Variants in R3HDM2 observed in about 807,000 individuals in gnomAD.
R3HDM2 encodes the protein R3H domain containing 2, also known as R3H domain-containing protein 2.
Under a neutral mutation model 124.5 loss-of-function variants are expected in R3HDM2, and 38 were observed. The observed-to-expected ratio is 0.31, with a 90% CI of 0.24 to 0.40. R3HDM2 has a LOEUF of 0.40. Ranked by LOEUF, R3HDM2 falls within the 10% of genes least tolerant of loss-of-function variation. The probability of loss-of-function intolerance (pLI) is 1.00; values close to 1 mark genes in which losing one functional copy is unlikely to be tolerated. For synonymous variants in R3HDM2, 391 were observed against 448.0 expected (o/e 0.87, Z 1.61); for missense variants, 869 against 1,236.9 (o/e 0.70, Z 4.46).
rs1406413010 is a variant in R3HDM2 at position 57,350,500 on chromosome 12, A to AT, written c.-35-40038dup. ...AAACTACATCAAATGGTCAGGCGTG[A>AT]TGGTTACCCTCTAATCCCAGCTACT... On this transcript the variant is annotated intron_variant, in intron 2 of 23. Transcript: ENST00000402412. Among the ~76,000 whole-genome samples, 3 of 152,142 alleles carry AT rather than the reference A, an allele frequency of 2.0e-5. No homozygotes were observed. The East Asian group carries it at 5.8e-4, about 29-fold the overall frequency.
intron 2 of R3HDM2, among the ~76,000 whole-genome samples, chr12:57,336,078 T>C (rs1431958259): frequency 2.6e-5 from 4 of 151,830 alleles, no homozygotes; most frequent in African/African-American, 9.7e-5. Context: ...TGGTATCTCA[T>C]TGTGGGTTTT....
In R3HDM2 at chr12:57,292,599, C is replaced by G; in HGVS notation, c.879G>C (p.Arg293Ser). The G allele has an allele frequency of 6.5e-7, 1 of 1,550,216 alleles. No homozygotes were observed. The change falls in exon 11 of 24, where the codon AGG becomes AGC. Residue 293 changes from arginine to serine, a missense_variant. Arg to Ser is a moderately radical substitution (Grantham distance 110, BLOSUM62 -1). Transcript: ENST00000402412. ...CTCGGGCAAATATTCTCTCTCGGAC[C>G]CTTTGATATTCCTCCTCTCTCTCTT... is the stretch of plus-strand genomic sequence containing the variant. The part of the protein sequence containing the change: ...SIEEREEEYQ[R>S]VRERIFARET...
chr12:57,261,288 T>C (rs903378286), intron 19 of R3HDM2, among the ~76,000 whole-genome samples: 1 of 152,182 alleles, frequency 6.6e-6, no homozygotes. Context: ...CTAGAAGGTA[T>C]TCAAATACCT....
intron 2 of R3HDM2, among the ~76,000 whole-genome samples, chr12:57,317,104 T>G (rs1240899274): frequency 6.6e-6 from 1 of 151,724 alleles, no homozygotes; most frequent in East Asian, 1.9e-4. Context: ...CTGGTCTCAA[T>G]CTCTTGACCT....
chr12:57,260,263 C>CAAA lies in R3HDM2; in HGVS notation c.2132-1207_2132-1205dup, dbSNP rs566868060. Among the ~76,000 whole-genome samples the CAAA allele has an allele frequency of 1.0e-2, 313 of 31,426 alleles. 36 individuals are homozygous for CAAA. Among genetic ancestry groups the CAAA allele is most frequent in the African/African-American group, 0.031 (251 of 8,102 alleles). 20.6% of individuals were successfully genotyped at this position (31,426 alleles called of 152,430 possible). ...TGGGTGACAGAATGAGACCCTGCCTCAAAAAAAAAAAAAAAAAAAAAAGCC... is the reference window on the plus strand; with the variant it reads ...TGGGTGACAGAATGAGACCCTGCCTCAAAAAAAAAAAAAAAAAAAAAAAAAGCC... On this transcript the variant is annotated intron_variant, in intron 19 of 23. Coordinates refer to ENST00000402412, the MANE Select transcript of R3HDM2 (RefSeq NM_001394031.1).
At chr12:57,355,026 A>G (rs1464483198) in intron 2 of R3HDM2, among the ~76,000 whole-genome samples, 2 of 151,534 alleles carry the variant, frequency 1.3e-5, no homozygotes, top group African/African-American at 4.8e-5. Flanking sequence ...TTTCCTTAGT[A>G]GAGTCCGCCT....
At chr12:57,295,646 A>G (rs1413792770) in intron 9 of R3HDM2, 139 bp from the exon 10 acceptor site, 2 of 627,542 alleles carry the variant, frequency 3.2e-6, no homozygotes, top group Non-Finnish European at 5.6e-6. Flanking sequence ...AAAAAGTCAC[A>G]TGCAGGTTTT....
Position 57,336,007 on chromosome 12 carries a change from G to C in R3HDM2, c.-35-25544C>G, listed in dbSNP as rs377686075. ...TATGGAAAAAAAGCTCAATCTCACT[G>C]ATAATTAGAGAAATGCCAATCAAAA... On this transcript the variant is annotated intron_variant, in intron 2 of 23. Coordinates refer to ENST00000402412, the MANE Select transcript of R3HDM2 (RefSeq NM_001394031.1). Among the ~76,000 whole-genome samples, 16 of 151,532 alleles carry C rather than the reference G, an allele frequency of 1.1e-4. No individual in the cohort carries two copies. The East Asian group carries it at 2.9e-3, about 28-fold the overall frequency.
intron 1 of R3HDM2, among the ~76,000 whole-genome samples, chr12:57,423,554 T>C (rs866537834): frequency 6.7e-6 from 1 of 149,778 alleles, no homozygotes; most frequent in African/African-American, 2.5e-5. Flanking sequence ...GCGTGGTGCC[T>C]CATGCCCAGC....
intron 2 of R3HDM2, among the ~76,000 whole-genome samples, chr12:57,325,103 T>C (rs1235399110): frequency 6.6e-6 from 1 of 152,158 alleles, no homozygotes; most frequent in Non-Finnish European, 1.5e-5. Context: ...TACAAAACTA[T>C]AAGAAAATAC....
At position 57,268,700 on chromosome 12, in the gene R3HDM2, T is replaced by C. The variant is rs1023988789; in HGVS notation, c.1875+222A>G. 14 of 695,468 alleles carry C rather than the reference T, an allele frequency of 2.0e-5. No individual in the cohort carries two copies. The Admixed American group carries it at 2.7e-4, about 13-fold the overall frequency. The allele number at this position is 695,468 out of a possible 1,614,324, so 43.1% of individuals were successfully genotyped here. On this transcript the variant is annotated intron_variant, in intron 17 of 23. Coordinates refer to ENST00000402412, the MANE Select transcript of R3HDM2 (RefSeq NM_001394031.1). ...GCCTGATTTCCTTTAGCCACTACTTTCCTGGGCATATACTCATTCCATGGC... is the reference window on the plus strand; with the variant it reads ...GCCTGATTTCCTTTAGCCACTACTTCCCTGGGCATATACTCATTCCATGGC...
At chr12:57,326,590 G>A (rs965842541) in intron 2 of R3HDM2, among the ~76,000 whole-genome samples, 1 of 152,252 alleles carries the variant, frequency 6.6e-6, no homozygotes, top group African/African-American at 2.4e-5. Flanking sequence ...GCAAGGTGAA[G>A]CAGCAAGTGC....
intron 1 of R3HDM2, chr12:57,418,474 G>T: frequency 3.5e-6 from 1 of 287,698 alleles, no homozygotes; most frequent in Non-Finnish European, 5.2e-6. Context: ...TGTAGTGACA[G>T]TGGAAAGGAA....
intron 2 of R3HDM2, among the ~76,000 whole-genome samples, chr12:57,349,401 A>G (rs1460589827): frequency 6.7e-6 from 1 of 148,878 alleles, no homozygotes; most frequent in African/African-American, 2.5e-5. Flanking sequence ...AAAAAAAAAA[A>G]AAAAAAGAAA....
chr12:57,282,142 T>A (rs367994726), intron 13 of R3HDM2, among the ~76,000 whole-genome samples: 81 of 152,096 alleles, frequency 5.3e-4, no homozygotes, highest in African/African-American at 1.9e-3. Flanking sequence ...AAACCCCATC[T>A]CTACTAAAAA....
At chr12:57,423,535 GT>G (rs1460217450) in intron 1 of R3HDM2, among the ~76,000 whole-genome samples, 2 of 152,044 alleles carry the variant, frequency 1.3e-5, no homozygotes, top group East Asian at 3.9e-4. Context: ...GAAACTTTAA[GT>G]GGGCCAGGCG....
intron 1 of R3HDM2, among the ~76,000 whole-genome samples, chr12:57,419,658 T>C (rs1320062675): frequency 6.6e-6 from 1 of 152,042 alleles, no homozygotes. Flanking sequence ...CCCAGATTGC[T>C]TTCAAACTCC....
chr12:57,345,897 C>T (rs558842773), intron 2 of R3HDM2, among the ~76,000 whole-genome samples: 16 of 152,246 alleles, frequency 1.1e-4, no homozygotes, highest in African/African-American at 3.6e-4. Flanking sequence ...CGGTGGCTCA[C>T]GCCTGTAATC....
chr12:57,329,628 T>C (rs1329781037), intron 2 of R3HDM2, among the ~76,000 whole-genome samples: 1 of 152,182 alleles, frequency 6.6e-6, no homozygotes, highest in Non-Finnish European at 1.5e-5. Context: ...ATGAGTAACA[T>C]ATTCCCACGT....
Sources: gnomAD v4.1 joint callset for allele counts (sites outside exome capture counted in the v4.1 genomes callset) on GRCh38, gnomAD v4.1.1 for gene constraint, MANE v1.5 for transcripts, NCBI Gene and HGNC (gene_info 2026-07-23, HGNC 2026-07-21) for gene names.